The following TENM3 variants were observed in gnomAD, a reference collection of about 807,000 sequenced individuals.
TENM3 encodes teneurin transmembrane protein 3.
A neutral mutation model predicts 255.1 loss-of-function variants in TENM3; 63 were observed. That is an observed-to-expected ratio of 0.25 (90% CI 0.20 to 0.30). The LOEUF is 0.30. TENM3 is among the 10% of genes least tolerant of loss of function. The pLI is 1.00. For synonymous variants in TENM3, 1,306 were observed against 1,322.3 expected (o/e 0.99, Z 0.27); for missense variants, 2,929 against 3,461.1 (o/e 0.85, Z 3.86).
At chr4:181,470,127 A>AAAAAACG in the TENM3 span, among the ~76,000 whole-genome samples, 848 of 138,784 alleles carry the variant, frequency 6.1e-3, 14 homozygotes, top group African/African-American at 0.022. Flanking sequence ...AAAAAAAAAC[A>AAAAAACG]TTATTCAAAA....
At chr4:182,484,214 A>G (rs72701928) in intron 3 of TENM3, among the ~76,000 whole-genome samples, 6,021 of 152,228 alleles carry the variant, frequency 0.04, 170 homozygotes, top group Non-Finnish European at 0.058. Flanking sequence ...AATCCGATAA[A>G]ATAGGTACTA....
At chr4:181,720,298 A>T in the TENM3 span, among the ~76,000 whole-genome samples, 2 of 152,234 alleles carry the variant, frequency 1.3e-5, no homozygotes, top group African/African-American at 4.8e-5. Flanking sequence ...TAGTACTGTT[A>T]TATTTTTCCC....
At chr4:182,388,959 C>A (rs1049546442) in intron 3 of TENM3, among the ~76,000 whole-genome samples, 17 of 152,300 alleles carry the variant, frequency 1.1e-4, no homozygotes, top group Middle Eastern at 3.4e-3. Context: ...GCACTGCCAG[C>A]TTCTAGTCAG....
At chr4:181,854,223 G>A in the TENM3 span, among the ~76,000 whole-genome samples, 1 of 152,120 alleles carries the variant, frequency 6.6e-6, no homozygotes, top group South Asian at 2.1e-4. Flanking sequence ...AGCCTGGATG[G>A]AAGTTTTATC....
chr4:182,584,050 A>T (rs746501271), intron 3 of TENM3, among the ~76,000 whole-genome samples: 5 of 152,234 alleles, frequency 3.3e-5, no homozygotes, highest in African/African-American at 9.6e-5. Flanking sequence ...TTTAAGAATC[A>T]TCAAGATTTT....
At chr4:181,906,634 C>T in the TENM3 span, among the ~76,000 whole-genome samples, 6,388 of 152,286 alleles carry the variant, frequency 0.042, 126 homozygotes, top group African/African-American at 0.051. Flanking sequence ...ACTCAAATGC[C>T]AATAGGGCCA....
chr4:182,436,302 G>C (rs1772043657), intron 3 of TENM3, among the ~76,000 whole-genome samples: 1 of 152,160 alleles, frequency 6.6e-6, no homozygotes, highest in Admixed American at 6.5e-5. Context: ...AGGATATCCT[G>C]GGAGAACATC....
rs180671919 is a variant in TENM3 at position 182,446,447 on chromosome 4, C to G, written c.511+99518C>G. Among the ~76,000 whole-genome samples, 650 of 152,288 alleles carry G rather than the reference C, an allele frequency of 4.3e-3. 7 individuals carry two copies. Among genetic ancestry groups the G allele is most frequent in the African/African-American group, 0.015 (625 of 41,564 alleles). ...ATGAGCAGGTCAGAGGATCAGTCTT[C>G]TTGAGATTCATCTTGACCCAAACAA... On this transcript the variant is annotated intron_variant, in intron 3 of 27. Coordinates refer to ENST00000511685, the MANE Select transcript of TENM3 (RefSeq NM_001080477.4).
At chr4:181,580,328 A>C in the TENM3 span, among the ~76,000 whole-genome samples, 1 of 152,074 alleles carries the variant, frequency 6.6e-6, no homozygotes, top group Non-Finnish European at 1.5e-5. Context: ...AAGGGAGCAC[A>C]CGGTGGTGGC....
At chr4:181,829,552 C>T in the TENM3 span, among the ~76,000 whole-genome samples, 1 of 152,200 alleles carries the variant, frequency 6.6e-6, no homozygotes, top group Non-Finnish European at 1.5e-5. Flanking sequence ...ACTCACTCTA[C>T]ACAGATGCTC....
chr4:182,792,582 T>C lies in TENM3; in HGVS notation c.5910T>C (p.Tyr1970=), dbSNP rs755530072. The C allele has an allele frequency of 1.2e-6, 2 of 1,613,896 alleles. No individual in the cohort carries two copies. Among genetic ancestry groups the C allele is most frequent in the African/African-American group, 2.7e-5 (2 of 74,922 alleles). ...LYDSTRVSFT[Y]DETAGVLKTV... ...ATAGCACAAGAGTCAGTTTTACCTATGATGAAACAGCAGGAGTCCTAAAGA... is the reference window on the plus strand; with the variant it reads ...ATAGCACAAGAGTCAGTTTTACCTACGATGAAACAGCAGGAGTCCTAAAGA... The change falls in exon 26 of 28, where the codon TAT becomes TAC. Residue 1970 remains tyrosine, a synonymous_variant. Coordinates refer to ENST00000511685, the MANE Select transcript of TENM3 (RefSeq NM_001080477.4). The surrounding 1 kb of genome is among the most constrained non-coding windows in gnomAD (Gnocchi z 6.3).
At chr4:181,518,083 G>A in the TENM3 span, among the ~76,000 whole-genome samples, 4,523 of 152,234 alleles carry the variant, frequency 0.03, 117 homozygotes, top group East Asian at 0.072. Flanking sequence ...GGCAATCCCT[G>A]TCTTTAGGCA....
rs374121060 is a variant in TENM3 at position 182,265,896 on chromosome 4, A to G, written c.-76+22420A>G. On this transcript the variant is annotated intron_variant, in intron 1 of 27. Transcript: ENST00000511685. ...CAGCTTTAAAAATTATTGATAAAAT[A>G]AAAACATTTAGTCTAAATTATGCAA... Among the ~76,000 whole-genome samples, 16 of 152,384 alleles carry G rather than the reference A, an allele frequency of 1.0e-4. No individual in the cohort carries two copies. The East Asian group carries it at 2.9e-3, about 28-fold the overall frequency.
rs1346254517 is a variant in TENM3 at position 182,802,893 on chromosome 4, G to A, written c.*2542G>A. 6.5e-6 allele frequency: 1 copy of A among 152,740 alleles called. No homozygotes were observed. Among genetic ancestry groups the A allele is most frequent in the South Asian group, 2.1e-4 (1 of 4,828 alleles). 9.5% of individuals were successfully genotyped at this position (152,740 alleles called of 1,614,324 possible). A position where few individuals can be genotyped will look rare whatever the true frequency, so the allele number is the denominator to read the frequency against. On this transcript the variant is annotated 3_prime_UTR_variant, in exon 28 of 28. Transcript: ENST00000511685. ...AGTCAAAATGCTTTCATGATATTTT[G>A]AGATGTAAATTTTGTCTGATTTGTA...
intron 1 of TENM3, among the ~76,000 whole-genome samples, chr4:182,188,383 C>T (rs1272266132): frequency 6.6e-6 from 1 of 152,084 alleles, no homozygotes; most frequent in African/African-American, 2.4e-5. Context: ...AAGTCATCTT[C>T]TGACATTAAA....
intron 2 of TENM3, among the ~76,000 whole-genome samples, chr4:182,336,725 T>C (rs1484657057): frequency 1.3e-5 from 2 of 152,218 alleles, no homozygotes; most frequent in African/African-American, 4.8e-5. Context: ...GAACATAGCA[T>C]TGTGCTTTTG....
At chr4:181,885,525 T>C in the TENM3 span, among the ~76,000 whole-genome samples, 22 of 152,114 alleles carry the variant, frequency 1.4e-4, no homozygotes, top group African/African-American at 4.6e-4. Context: ...CCTCCCAAAG[T>C]GCTGGAATTA....
At chr4:182,300,207 C>A (rs1446503103) in intron 1 of TENM3, among the ~76,000 whole-genome samples, 2 of 152,022 alleles carry the variant, frequency 1.3e-5, no homozygotes, top group Non-Finnish European at 2.9e-5. Context: ...AGCCACCACG[C>A]CCAGCTCAAG....
At chr4:182,094,892 C>G in the TENM3 span, among the ~76,000 whole-genome samples, 1 of 144,444 alleles carries the variant, frequency 6.9e-6, no homozygotes, top group Non-Finnish European at 1.5e-5. Context: ...CCAGAAGGAA[C>G]ACTAGAGCTT....
Sources: gnomAD v4.1 joint callset for allele counts (sites outside exome capture counted in the v4.1 genomes callset) on GRCh38, gnomAD v4.1.1 for gene constraint, Gnocchi (gnomAD v3.1) non-coding constraint, MANE v1.5 for transcripts, NCBI Gene and HGNC (gene_info 2026-07-23, HGNC 2026-07-21) for gene names.